ZNF469: variants seen among roughly 807,000 people sequenced by gnomAD.
The protein encoded by ZNF469 is zinc finger protein 469.
In ZNF469, 1 loss-of-function variant was observed where a neutral mutation model predicts 1.0. That is an observed-to-expected ratio of 1.00 (90% CI 0.35 to 4.73). The LOEUF (loss-of-function observed/expected upper bound fraction) is 4.73, where lower values mean the gene tolerates loss of function less well. Ranked by LOEUF, ZNF469 falls within the 30% of genes most tolerant of loss-of-function variation. ZNF469 has a pLI of 0.16. For synonymous variants in ZNF469, 2,703 were observed against 2,363.4 expected, an observed-to-expected ratio of 1.14 and a Z score of -4.17; for missense variants, 6,100 against 5,356.3, an observed-to-expected ratio of 1.14 and a Z score of -4.33.
chr16:88,200,084 G>T, the ZNF469 span, among the ~76,000 whole-genome samples: 1 of 151,834 alleles, frequency 6.6e-6, no homozygotes. Flanking sequence ...GTCGTGCCCC[G>T]GGGGGAGGAT....
At chr16:88,214,472 G>GTTTT in the ZNF469 span, among the ~76,000 whole-genome samples, 3 of 148,654 alleles carry the variant, frequency 2.0e-5, no homozygotes, top group African/African-American at 7.4e-5. Context: ...GTTCTTTTGA[G>GTTTT]TTTTTTTTTT....
the ZNF469 span, among the ~76,000 whole-genome samples, chr16:88,167,053 C>T: frequency 1.1e-3 from 90 of 82,820 alleles, no homozygotes; most frequent in Middle Eastern, 0.013. Flanking sequence ...CAGGCTTATT[C>T]TTTTTTTTTT....
At chr16:88,175,829 AAAGG>A in the ZNF469 span, among the ~76,000 whole-genome samples, 1 of 152,242 alleles carries the variant, frequency 6.6e-6, no homozygotes. Flanking sequence ...GAAGAGAAGA[AAAGG>A]AAGAATCAGT....
the ZNF469 span, among the ~76,000 whole-genome samples, chr16:88,183,563 A>C: frequency 6.6e-6 from 1 of 152,274 alleles, no homozygotes; most frequent in East Asian, 1.9e-4. Context: ...TCACAGGACA[A>C]TTCTGGAGGA....
At chr16:88,264,271 G>A in the ZNF469 span, among the ~76,000 whole-genome samples, 1 of 151,926 alleles carries the variant, frequency 6.6e-6, no homozygotes, top group Non-Finnish European at 1.5e-5. Context: ...ACGCCCCGTG[G>A]CTCCTGCCCT....
At chr16:88,110,460 G>T in the ZNF469 span, among the ~76,000 whole-genome samples, 1 of 152,264 alleles carries the variant, frequency 6.6e-6, no homozygotes, top group Non-Finnish European at 1.5e-5. Flanking sequence ...GTGCCTGGTT[G>T]TTCCAATTCA....
chr16:88,212,726 A>G, the ZNF469 span, among the ~76,000 whole-genome samples: 2 of 152,168 alleles, frequency 1.3e-5, no homozygotes, highest in African/African-American at 4.8e-5. Context: ...GACTAAAGGC[A>G]CACACCACAA....
At chr16:88,378,566 G>C (rs554628887), upstream of ZNF469, among the ~76,000 whole-genome samples, 2 of 152,240 alleles carry the variant, frequency 1.3e-5, no homozygotes, top group South Asian at 4.1e-4. Flanking sequence ...CATAGGGAGC[G>C]CCGAGTCTGC....
chr16:88,198,360 C>T, the ZNF469 span, among the ~76,000 whole-genome samples: 1 of 152,164 alleles, frequency 6.6e-6, no homozygotes, highest in East Asian at 1.9e-4. Context: ...GCAGACCCCT[C>T]ATTACATGTG....
At chr16:88,108,340 G>T in the ZNF469 span, among the ~76,000 whole-genome samples, 1 of 152,148 alleles carries the variant, frequency 6.6e-6, no homozygotes, top group Non-Finnish European at 1.5e-5. Context: ...ATCCCTGTGG[G>T]ACAGCGTGTC....
the ZNF469 span, among the ~76,000 whole-genome samples, chr16:88,283,879 G>A: frequency 2.0e-3 from 265 of 133,604 alleles, 1 homozygote; most frequent in African/African-American, 7.4e-3. Flanking sequence ...CAGTGTGTCC[G>A]GAGTGCCTGA....
chr16:88,138,684 T>A, the ZNF469 span, among the ~76,000 whole-genome samples: 1 of 152,218 alleles, frequency 6.6e-6, no homozygotes, highest in South Asian at 2.1e-4. Context: ...GTGACCAAAT[T>A]CACCTCTTCC....
At position 88,438,084 on chromosome 16, in the gene ZNF469, C is replaced by G; in HGVS notation, c.10614C>G (p.Ile3538Met). 1 of 1,550,432 alleles carries G rather than the reference C, an allele frequency of 6.4e-7. No homozygotes were observed. The highest frequency in any genetic ancestry group is 8.7e-7 in the Non-Finnish European group (1 of 1,146,960). Reference sequence around the variant, plus strand: ...CTGTAGACCCCGTGACCCACCCGATCAGAGGTTGTGAGCTGCCATCCAACC... The same window carrying G: ...CTGTAGACCCCGTGACCCACCCGATGAGAGGTTGTGAGCTGCCATCCAACC... ...ERPVDPVTHP[I>M]RGCELPSNHQ... Residue 3538 changes from isoleucine to methionine, a missense_variant, in exon 3 of 3, where the codon ATC becomes ATG. Ile to Met is a conservative substitution (Grantham distance 10). Transcript: ENST00000565624.
chr16:88,413,379 A>G (rs1905225585), intron 1 of ZNF469, among the ~76,000 whole-genome samples: 1 of 152,174 alleles, frequency 6.6e-6, no homozygotes, highest in Admixed American at 6.5e-5. Context: ...AGGTGGCAGG[A>G]GGAACGCAGG....
At position 88,433,213 on chromosome 16, in the gene ZNF469, A is replaced by C; in HGVS notation, c.5743A>C (p.Ser1915Arg). 6.5e-7 allele frequency: 1 copy of C among 1,550,240 alleles called. No individual in the cohort carries two copies. The highest frequency in any genetic ancestry group is 8.7e-7 in the Non-Finnish European group (1 of 1,146,922). The part of the protein sequence containing the change: ...LQLPGPGVAK[S>R]KDGILGLQEL... ...GCTCCCAGGGCCTGGAGTGGCTAAGAGTAAAGATGGCATCCTGGGCTTGCA... is the reference window on the plus strand; with the variant it reads ...GCTCCCAGGGCCTGGAGTGGCTAAGCGTAAAGATGGCATCCTGGGCTTGCA... Residue 1915 changes from serine (S) to arginine (R), a missense_variant, in exon 3 of 3, where the codon AGT becomes CGT. Physicochemically the swap from Ser to Arg is moderately radical, Grantham distance 110. Transcript: ENST00000565624.
the ZNF469 span, among the ~76,000 whole-genome samples, chr16:88,263,158 C>A: frequency 6.6e-6 from 1 of 152,168 alleles, no homozygotes; most frequent in Non-Finnish European, 1.5e-5. Context: ...CTGGTCTGTC[C>A]AACCCCGGGG....
chr16:88,369,244 C>T, the ZNF469 span, among the ~76,000 whole-genome samples: 2 of 152,210 alleles, frequency 1.3e-5, no homozygotes, highest in Non-Finnish European at 2.9e-5. Flanking sequence ...GGGGAATAAA[C>T]CCCTCCCTCC....
At chr16:88,161,811 C>A in the ZNF469 span, among the ~76,000 whole-genome samples, 1 of 152,198 alleles carries the variant, frequency 6.6e-6, no homozygotes, top group Non-Finnish European at 1.5e-5. Context: ...CGTGAGCTTG[C>A]GTGGCTCGTG....
the ZNF469 span, among the ~76,000 whole-genome samples, chr16:88,130,869 C>T: frequency 1.3e-5 from 2 of 152,172 alleles, no homozygotes; most frequent in East Asian, 1.9e-4. Context: ...ATGGCGGGCG[C>T]GTGGGAAGGC....
Sources: gnomAD v4.1 joint callset for allele counts (sites outside exome capture counted in the v4.1 genomes callset) on GRCh38, gnomAD v4.1.1 for gene constraint, MANE v1.5 for transcripts, NCBI Gene and HGNC (gene_info 2026-07-23, HGNC 2026-07-21) for gene names.